The following ATP13A3 variants were observed in gnomAD, a reference collection of about 807,000 sequenced individuals.
ATP13A3 encodes ATPase 13A3.
A neutral mutation model predicts 158.1 loss-of-function variants in ATP13A3; 59 were observed. That is an observed-to-expected ratio of 0.37 (90% CI 0.30 to 0.46). ATP13A3 has a LOEUF of 0.46. ATP13A3 is among the 20% of genes least tolerant of loss of function. The probability of loss-of-function intolerance (pLI) is 1.00; values close to 1 mark genes in which losing one functional copy is unlikely to be tolerated. For missense variants in ATP13A3, 1,166 were observed against 1,525.2 expected, an observed-to-expected ratio of 0.76 and a Z score of 3.92; for synonymous variants, 491 against 504.3, an observed-to-expected ratio of 0.97 and a Z score of 0.35.
chr3:194,445,500 GATAAA>G (rs1357375931), intron 14 of ATP13A3, among the ~76,000 whole-genome samples: 1 of 152,182 alleles, frequency 6.6e-6, no homozygotes, highest in Non-Finnish European at 1.5e-5. Flanking sequence ...TGAGCAGATA[GATAAA>G]ATAAGACTGA....
intron 10 of ATP13A3, chr3:194,451,667 G>A (rs1047459045): frequency 1.3e-5 from 2 of 152,368 alleles, no homozygotes; most frequent in African/African-American, 4.8e-5. Context: ...CTGATTTGGT[G>A]TTCTGAGTAA....
chr3:194,427,076 C>G lies in ATP13A3; in HGVS notation c.3124G>C (p.Asp1042His). The G allele has an allele frequency of 1.9e-6, 3 of 1,610,342 alleles. No individual in the cohort carries two copies. Among genetic ancestry groups the G allele is most frequent in the Non-Finnish European group, 2.5e-6 (3 of 1,179,144 alleles). Residue 1042 changes from aspartate to histidine, a missense_variant and splice_region_variant, in exon 29 of 34, where the codon GAT (aspartate) becomes CAT (histidine). Transcript: ENST00000645319. ...PWYEVWHPKS[D>H]ACNTTGSGFW... ...TTTTACATAGATTGACCAACTTACTCTGATTTTGGATGCCACACTTCATAC... is the reference window on the plus strand; with the variant it reads ...TTTTACATAGATTGACCAACTTACTGTGATTTTGGATGCCACACTTCATAC...
chr3:194,415,665 T>TTTTTTTTTTTG (rs1305076180), intron 31 of ATP13A3, among the ~76,000 whole-genome samples: 3 of 112,662 alleles, frequency 2.7e-5, no homozygotes, highest in African/African-American at 1.4e-4. Flanking sequence ...CACATTCTTT[T>TTTTTTTTTTTG]TTTTTTTTTT....
intron 30 of ATP13A3, among the ~76,000 whole-genome samples, chr3:194,422,800 A>G (rs549127030): frequency 2.5e-4 from 38 of 151,864 alleles, no homozygotes; most frequent in African/African-American, 8.9e-4. Context: ...CCCAAACAAT[A>G]ACTAGTACTA....
chr3:194,469,950 T>C (rs1207251160), intron 2 of ATP13A3, among the ~76,000 whole-genome samples: 1 of 152,156 alleles, frequency 6.6e-6, no homozygotes, highest in Non-Finnish European at 1.5e-5. Flanking sequence ...TATACAAATA[T>C]ATACAAAAAG....
chr3:194,439,011 A>C, intron 16 of ATP13A3, 39 bp from the exon 17 acceptor site: 1 of 1,270,454 alleles, frequency 7.9e-7, no homozygotes, highest in Admixed American at 2.1e-5. Context: ...CAAAAACACA[A>C]CATTCAAGCA....
At chr3:194,413,636 C>T in intron 32 of ATP13A3, 123 bp downstream of exon 32, 1 of 871,470 alleles carries the variant, frequency 1.1e-6, no homozygotes, top group South Asian at 1.5e-5. Context: ...ATGAATTTGC[C>T]TGAGATGAAA....
chr3:194,457,048 T>C (rs758019352), intron 7 of ATP13A3, 46 bp downstream of exon 7: 1 of 1,446,524 alleles, frequency 6.9e-7, no homozygotes, highest in Non-Finnish European at 9.7e-7. Flanking sequence ...ATACTACTGC[T>C]TTTAGGAATT....
intron 2 of ATP13A3, among the ~76,000 whole-genome samples, chr3:194,492,410 G>A (rs557962209): frequency 1.3e-5 from 2 of 151,444 alleles, no homozygotes; most frequent in South Asian, 4.2e-4. Context: ...AAGTTTCTTG[G>A]ATAAAAGGGT....
Position 194,494,215 on chromosome 3 carries a change from G to A in ATP13A3, n.581C>T, listed in dbSNP as rs13321076. On this transcript the variant is annotated non_coding_transcript_exon_variant, in exon 2 of 33. Transcript: ENST00000687055. This position sits in a 1 kb window ranked among gnomAD's most constrained non-coding sequence, Gnocchi z 4.2. ...CAGACTTCCACCTCCTCATGAGCCAGGACCTTCCTCAGCCACATCTGGATC... is the reference window on the plus strand; with the variant it reads ...CAGACTTCCACCTCCTCATGAGCCAAGACCTTCCTCAGCCACATCTGGATC... 0.046 allele frequency: 18,168 copies of A among 398,578 alleles called. 562 individuals are homozygous for A. The highest frequency in any genetic ancestry group is 0.098 in the Middle Eastern group (156 of 1,590). The allele number at this position is 398,578 out of a possible 1,614,324, so 24.7% of individuals were successfully genotyped here. A position where few individuals can be genotyped will look rare whatever the true frequency, so the allele number is the denominator to read the frequency against.
chr3:194,466,919 G>A (rs902783117), intron 2 of ATP13A3, among the ~76,000 whole-genome samples: 1 of 152,174 alleles, frequency 6.6e-6, no homozygotes, highest in Admixed American at 6.5e-5. Context: ...TGGCACAGAG[G>A]GCCACGAATA....
chr3:194,414,532 TA>T (rs1317918550), intron 31 of ATP13A3, among the ~76,000 whole-genome samples: 1 of 149,898 alleles, frequency 6.7e-6, no homozygotes, highest in Non-Finnish European at 1.5e-5. Context: ...GACAACTTCA[TA>T]AAAAAAGATG....
intron 18 of ATP13A3, 30 bp downstream of exon 18, chr3:194,437,526 C>G (rs758864828): frequency 3.7e-6 from 6 of 1,611,980 alleles, no homozygotes; most frequent in Non-Finnish European, 5.1e-6. Context: ...AACAAATATA[C>G]TTAGTAAGAA....
intron 16 of ATP13A3, among the ~76,000 whole-genome samples, chr3:194,440,774 T>A (rs73071122): frequency 5.3e-5 from 8 of 152,084 alleles, no homozygotes; most frequent in African/African-American, 1.9e-4. Context: ...TGAACTGACT[T>A]TGTATTTATA....
At position 194,446,977 on chromosome 3, in the gene ATP13A3, G is replaced by T. The variant is rs748661382; in HGVS notation, c.1447C>A (p.Pro483Thr). The T allele has an allele frequency of 6.2e-7, 1 of 1,613,448 alleles. No individual in the cohort carries two copies. Residue 483 changes from proline to threonine, a missense_variant, in exon 14 of 34, where the codon CCT (proline) becomes ACT (threonine). Around this residue, in one of 3 missense-constraint regions of ATP13A3, gnomAD observed 997 missense variants for 1,341.2 expected, o/e 0.74. Transcript: ENST00000645319. The stretch of plus-strand genomic sequence containing the variant: ...TGTCCACAAATATTTATTCTTTGAG[G>T]ACTGATACAGAAAATACCGATTTTT... Reference protein sequence around the residue: ...LKKIGIFCISPQRINICGQLN... With the variant: ...LKKIGIFCISTQRINICGQLN...
rs768372164 is a variant in ATP13A3 at position 194,460,022 on chromosome 3, C to T, written c.226-51G>A. On this transcript the variant is annotated intron_variant, in intron 4 of 33. Coordinates refer to ENST00000645319, the MANE Select transcript of ATP13A3 (RefSeq NM_001367549.1). The stretch of plus-strand genomic sequence containing the variant: ...AAGGAGTCAATTTTATAGAAAACTG[C>T]CTATATTTTCATTTATTTTCCATTC... 3.6e-6 allele frequency: 5 copies of T among 1,375,686 alleles called. No homozygotes were observed. The South Asian group carries it at 5.5e-5, about 15-fold the overall frequency. 85.2% of individuals were successfully genotyped at this position (1,375,686 alleles called of 1,614,324 possible).
intron 31 of ATP13A3, among the ~76,000 whole-genome samples, chr3:194,415,268 C>CA (rs1560070365): frequency 1.3e-5 from 2 of 152,130 alleles, no homozygotes; most frequent in African/African-American, 4.8e-5. Context: ...AAGAGGCTAA[C>CA]GGCCTTGCTG....
In ATP13A3 at chr3:194,457,080, T is replaced by C. The variant is rs1719285033; in HGVS notation, c.560+14A>G. The C allele has an allele frequency of 2.5e-6, 4 of 1,598,814 alleles. No individual in the cohort carries two copies. The highest frequency in any genetic ancestry group is 3.4e-6 in the Non-Finnish European group (4 of 1,168,090). ...AATTTTGAGAAGATCTAACTTTAGTTGGATAAAAATTACCTGTAGGCATGC... is the reference window on the plus strand; with the variant it reads ...AATTTTGAGAAGATCTAACTTTAGTCGGATAAAAATTACCTGTAGGCATGC... On this transcript the variant is annotated intron_variant, in intron 7 of 33. Transcript: ENST00000645319.
rs1718456344 is a variant in ATP13A3, at chr3:194,447,076, T to C, written c.1348A>G (p.Ile450Val). 1.2e-6 allele frequency: 2 copies of C among 1,611,708 alleles called. No homozygotes were observed. The highest frequency in any genetic ancestry group is 2.7e-5 in the African/African-American group (2 of 74,966). The change falls in exon 14 of 34, where the codon ATC (isoleucine) becomes GTC (valine). Residue 450 changes from isoleucine to valine, a missense_variant. Physicochemically the swap from Ile to Val is conservative, Grantham distance 29 (BLOSUM62 3). This residue lies in a region of ATP13A3 where 997 missense variants were observed against 1,341.2 expected (regional missense o/e 0.74). Coordinates refer to ENST00000645319, the MANE Select transcript of ATP13A3 (RefSeq NM_001367549.1). ...GVIIIESLDI[I>V]TITVPPALPA... ...AGTGCAGGGGGCACAGTAATTGTGATAATATCAAGAGACTCGATAATTATG... is the reference window on the plus strand; with the variant it reads ...AGTGCAGGGGGCACAGTAATTGTGACAATATCAAGAGACTCGATAATTATG...
Sources: allele counts gnomAD v4.1 joint callset (sites outside exome capture counted in the v4.1 genomes callset), GRCh38; gene constraint gnomAD v4.1.1; regional missense constraint gnomAD v4.1.1; non-coding constraint Gnocchi (gnomAD v3.1); transcripts MANE v1.5; gene names NCBI Gene and HGNC (gene_info 2026-07-23, HGNC 2026-07-21).